The following ESRRG variants were observed in gnomAD, a reference collection of about 807,000 sequenced individuals.
The protein encoded by ESRRG is estrogen related receptor gamma.
In ESRRG, 13 loss-of-function variants were observed where a neutral mutation model predicts 44.0. The ratio of observed to expected loss-of-function variants is 0.30; its 90% CI spans 0.19 to 0.47. The LOEUF (loss-of-function observed/expected upper bound fraction) is 0.47, where lower values mean the gene tolerates loss of function less well. ESRRG is among the 20% of genes least tolerant of loss of function. The pLI is 1.00. For missense variants in ESRRG, 395 were observed against 580.6 expected, an observed-to-expected ratio of 0.68 and a Z score of 3.29; for synonymous variants, 215 against 214.6, an observed-to-expected ratio of 1.00 and a Z score of -0.02.
At chr1:216,729,985 G>T (rs2088385395) in intron 2 of ESRRG, among the ~76,000 whole-genome samples, 1 of 152,168 alleles carries the variant, frequency 6.6e-6, no homozygotes, top group Admixed American at 6.5e-5. Context: ...GGGATTATGA[G>T]TCCAGCTTGG....
intron 2 of ESRRG, among the ~76,000 whole-genome samples, chr1:216,917,391 C>A (rs138109250): frequency 6.6e-6 from 1 of 152,058 alleles, no homozygotes; most frequent in African/African-American, 2.4e-5. Flanking sequence ...ACCACTGACA[C>A]GCAACAAGTC....
chr1:217,128,606 C>T (rs541433906), intron 1 of ESRRG, among the ~76,000 whole-genome samples: 4 of 152,132 alleles, frequency 2.6e-5, no homozygotes, highest in Non-Finnish European at 4.4e-5. Context: ...AAAAAAATAA[C>T]TACTGTCATC....
At chr1:216,644,429 T>TTC (rs1368669687) in intron 3 of ESRRG, among the ~76,000 whole-genome samples, 23 of 144,804 alleles carry the variant, frequency 1.6e-4, no homozygotes, top group Admixed American at 6.8e-4. Context: ...CTTTCTTTCT[T>TTC]TTTTTTTTTT....
At chr1:216,734,904 C>CTTT (rs11309409) in intron 2 of ESRRG, among the ~76,000 whole-genome samples, 2,055 of 100,278 alleles carry the variant, frequency 0.02, 61 homozygotes, top group African/African-American at 0.057. Flanking sequence ...GTTCCATATT[C>CTTT]TTTTTTTTTT....
At chr1:216,810,749 C>G (rs933835290) in intron 2 of ESRRG, among the ~76,000 whole-genome samples, 2 of 146,934 alleles carry the variant, frequency 1.4e-5, no homozygotes, top group African/African-American at 5.0e-5. Flanking sequence ...ATATATAACT[C>G]TATGATATAT....
intron 1 of ESRRG, among the ~76,000 whole-genome samples, chr1:217,005,360 C>T (rs2077588382): frequency 6.6e-6 from 1 of 152,136 alleles, no homozygotes; most frequent in Non-Finnish European, 1.5e-5. Flanking sequence ...AAAACAAAGA[C>T]TGGTGCCTTT....
intron 1 of ESRRG, among the ~76,000 whole-genome samples, chr1:216,940,528 C>T (rs545998036): frequency 4.6e-5 from 7 of 152,276 alleles, no homozygotes; most frequent in East Asian, 3.9e-4. Flanking sequence ...ATGCCCCTGA[C>T]AGTTTGTTTG....
intron 1 of ESRRG, among the ~76,000 whole-genome samples, chr1:216,955,180 C>T (rs75544141): frequency 6.6e-6 from 1 of 151,966 alleles, no homozygotes; most frequent in East Asian, 1.9e-4. Flanking sequence ...GTTAACCAAC[C>T]TCTCCCATCC....
chr1:216,795,197 C>A (rs999654555), intron 2 of ESRRG, among the ~76,000 whole-genome samples: 28 of 151,990 alleles, frequency 1.8e-4, no homozygotes, highest in African/African-American at 6.5e-4. Flanking sequence ...AAAGACTAAA[C>A]CTTAAACTAA....
At chr1:216,684,722 G>A (rs2077606797) in intron 1 of ESRRG, among the ~76,000 whole-genome samples, 1 of 152,142 alleles carries the variant, frequency 6.6e-6, no homozygotes. Flanking sequence ...CAATTCTTAT[G>A]ACATTACTTT....
intron 2 of ESRRG, among the ~76,000 whole-genome samples, chr1:216,873,215 T>TTG (rs2096283696): frequency 6.8e-6 from 1 of 145,990 alleles, no homozygotes; most frequent in African/African-American, 2.6e-5. Flanking sequence ...TTCAGTTTTT[T>TTG]TTTTTTTTTT....
intron 2 of ESRRG, among the ~76,000 whole-genome samples, chr1:216,817,965 C>T (rs895375239): frequency 3.3e-5 from 5 of 151,658 alleles, no homozygotes; most frequent in South Asian, 2.1e-4. Context: ...TGACTGTATT[C>T]GGGATTTAAA....
intron 2 of ESRRG, among the ~76,000 whole-genome samples, chr1:216,785,667 G>A (rs2094101548): frequency 6.6e-6 from 1 of 151,876 alleles, no homozygotes; most frequent in Admixed American, 6.6e-5. Context: ...CAAGAGAAGG[G>A]TCTCCTTTAA....
rs1241426317 is a variant in ESRRG at position 216,617,721 on chromosome 1, T to C, written c.589+33252A>G. Among the ~76,000 whole-genome samples the C allele has an allele frequency of 2.6e-5, 4 of 152,218 alleles. No homozygotes were observed. In the East Asian group the frequency reaches 7.7e-4, roughly 29 times the overall value. ...TCCTGAAAGATTAATGTTATCTCTC[T>C]ATTTAAGTAACCCACATATATGTCC... On this transcript the variant is annotated intron_variant, in intron 3 of 6. Coordinates refer to ENST00000408911, the MANE Select transcript of ESRRG (RefSeq NM_001438.4).
chr1:216,581,668 G>A (rs1372557227), intron 3 of ESRRG, among the ~76,000 whole-genome samples: 1 of 151,392 alleles, frequency 6.6e-6, no homozygotes, highest in African/African-American at 2.4e-5. Flanking sequence ...CAAAAACAAT[G>A]GGCATGAACT....
intron 3 of ESRRG, among the ~76,000 whole-genome samples, chr1:216,618,402 A>G (rs2061711390): frequency 6.6e-6 from 1 of 152,228 alleles, no homozygotes; most frequent in Non-Finnish European, 1.5e-5. Context: ...GAACAGAATT[A>G]ACTAGGTAGG....
chr1:216,929,528 G>A (rs1021312120), intron 2 of ESRRG, among the ~76,000 whole-genome samples: 1 of 152,128 alleles, frequency 6.6e-6, no homozygotes, highest in African/African-American at 2.4e-5. Context: ...TTTTTAAGCT[G>A]AGACCTGGAA....
chr1:216,900,376 A>G (rs1040984924), intron 2 of ESRRG, among the ~76,000 whole-genome samples: 1 of 152,340 alleles, frequency 6.6e-6, no homozygotes, highest in East Asian at 1.9e-4. Flanking sequence ...CTGCTTCCCC[A>G]GAAGCATGGA....
intron 3 of ESRRG, among the ~76,000 whole-genome samples, chr1:216,639,865 A>G (rs2150874058): frequency 6.6e-6 from 1 of 152,320 alleles, no homozygotes; most frequent in African/African-American, 2.4e-5. Context: ...GTCATCTATA[A>G]AAGAAGAGTA....
Sources: gnomAD v4.1 joint callset for allele counts (sites outside exome capture counted in the v4.1 genomes callset) on GRCh38, gnomAD v4.1.1 for gene constraint, MANE v1.5 for transcripts, NCBI Gene and HGNC (gene_info 2026-07-23, HGNC 2026-07-21) for gene names.